DDX60L: variants seen among roughly 807,000 people sequenced by gnomAD.
The protein encoded by DDX60L is DExD/H-box 60 like.
In DDX60L, 191 loss-of-function variants were observed where a neutral mutation model predicts 211.6. The ratio of observed to expected loss-of-function variants is 0.90; its 90% CI spans 0.80 to 1.02. The LOEUF is 1.02. Among genes scored for constraint, DDX60L ranks in the 50% least tolerant of loss-of-function variants. DDX60L has a pLI of 0.00. For missense variants in DDX60L, 2,007 were observed against 1,984.1 expected (o/e 1.01, Z -0.22); for synonymous variants, 706 against 694.1 (o/e 1.02, Z -0.27).
intron 36 of DDX60L, among the ~76,000 whole-genome samples, chr4:168,365,696 CA>C: frequency 6.6e-6 from 1 of 152,032 alleles, no homozygotes; most frequent in East Asian, 1.9e-4. Flanking sequence ...ATTCTGACTC[CA>C]AAACCAGATA....
At chr4:168,470,192 C>T (rs1027443552) in intron 4 of DDX60L, 1 of 152,194 alleles carries the variant, frequency 6.6e-6, no homozygotes, top group African/African-American at 2.4e-5. Context: ...ACACAGGGCA[C>T]CAGAACTGTT....
At chr4:168,453,763 A>T (rs1756134801) in intron 7 of DDX60L, among the ~76,000 whole-genome samples, 1 of 152,180 alleles carries the variant, frequency 6.6e-6, no homozygotes, top group Admixed American at 6.6e-5. Context: ...AATATATAAA[A>T]GGTTGTCATA....
At chr4:168,390,638 A>C (rs1203898115) in intron 29 of DDX60L, 1 of 489,578 alleles carries the variant, frequency 2.0e-6, no homozygotes. Context: ...GATTATTGTC[A>C]GTTTTTTTTT....
chr4:168,414,507 T>A (rs965786388), intron 22 of DDX60L, among the ~76,000 whole-genome samples: 1 of 152,210 alleles, frequency 6.6e-6, no homozygotes, highest in African/African-American at 2.4e-5. Flanking sequence ...CACTGCTACA[T>A]ATATACTTAA....
At chr4:168,437,692 T>A (rs1023667064) in intron 10 of DDX60L, among the ~76,000 whole-genome samples, 3 of 152,164 alleles carry the variant, frequency 2.0e-5, no homozygotes, top group African/African-American at 7.2e-5. Flanking sequence ...AATAAGATCA[T>A]GAACAAGATC....
At chr4:168,399,028 G>A (rs1427625046) in intron 26 of DDX60L, among the ~76,000 whole-genome samples, 1 of 152,202 alleles carries the variant, frequency 6.6e-6, no homozygotes, top group Non-Finnish European at 1.5e-5. Context: ...CCTGCAGAGA[G>A]AAGCTACCCA....
chr4:168,441,860 T>C (rs903188613), intron 9 of DDX60L, among the ~76,000 whole-genome samples: 1 of 152,116 alleles, frequency 6.6e-6, no homozygotes, highest in Non-Finnish European at 1.5e-5. Context: ...TTAATCATAG[T>C]CCTTATTAAA....
chr4:168,422,764 C>T, intron 15 of DDX60L, 94 bp from the exon 16 acceptor site: 1 of 959,484 alleles, frequency 1.0e-6, no homozygotes. Flanking sequence ...ATGCACAAGG[C>T]ATTTTTACTA....
intron 14 of DDX60L, 27 bp from the exon 15 acceptor site, chr4:168,423,801 A>G (rs1371001027): frequency 6.9e-7 from 1 of 1,441,288 alleles, no homozygotes; most frequent in South Asian, 1.3e-5. Flanking sequence ...TAAAATTGTT[A>G]TAAAGAACAC....
At chr4:168,420,581 T>C (rs17612445) in intron 17 of DDX60L, among the ~76,000 whole-genome samples, 25,395 of 148,332 alleles carry the variant, frequency 0.17, 2,439 homozygotes, top group Non-Finnish European at 0.19. Context: ...GTATTCTCTT[T>C]GATCCTCCTT....
chr4:168,379,741 C>T lies in DDX60L; in HGVS notation c.4206G>A (p.Gln1402=), dbSNP rs551734786. 6.2e-7 allele frequency: 1 copy of T among 1,612,734 alleles called. No individual in the cohort carries two copies. Among genetic ancestry groups the T allele is most frequent in the East Asian group, 2.2e-5 (1 of 44,780 alleles). The change falls in exon 31 of 38, where the codon CAG becomes CAA. Residue 1402 remains glutamine (Q), a synonymous_variant. Transcript: ENST00000682922. The part of the protein sequence containing the change: ...TLKLYFLFSL[Q]LLIKEDYLNK... ...ACGATGATACCTCTTTGATAAGGAG[C>T]TGCAAGGAAAACAAAAAGTAAAGTT...
intron 28 of DDX60L, among the ~76,000 whole-genome samples, chr4:168,393,700 T>C: frequency 6.6e-6 from 1 of 152,206 alleles, no homozygotes; most frequent in Non-Finnish European, 1.5e-5. Flanking sequence ...ATCACATCTA[T>C]CAGCTCTGTC....
chr4:168,362,751 T>C (rs906667755), intron 36 of DDX60L, among the ~76,000 whole-genome samples: 2 of 152,208 alleles, frequency 1.3e-5, no homozygotes, highest in Middle Eastern at 3.2e-3. Context: ...ATTTGAAGAC[T>C]GGTCTTTTGA....
intron 9 of DDX60L, 24 bp downstream of exon 9, chr4:168,448,614 T>C (rs1372841382): frequency 1.4e-6 from 2 of 1,474,238 alleles, no homozygotes; most frequent in South Asian, 1.3e-5. Context: ...CATGATATAA[T>C]GTTAATGCAT....
At chr4:168,394,953 AAGAG>A (rs908237981) in intron 27 of DDX60L, among the ~76,000 whole-genome samples, 7 of 152,142 alleles carry the variant, frequency 4.6e-5, no homozygotes, top group African/African-American at 1.2e-4. Flanking sequence ...TTTTCAAGCA[AAGAG>A]AGAGAGACTT....
At chr4:168,401,005 GA>G (rs766990411) in intron 25 of DDX60L, 27 bp from the exon 26 acceptor site, 1 of 1,598,132 alleles carries the variant, frequency 6.3e-7, no homozygotes. Flanking sequence ...ACAGTGCTTT[GA>G]AAAGACTATG....
At chr4:168,436,049 G>A (rs1752997282) in intron 10 of DDX60L, among the ~76,000 whole-genome samples, 1 of 152,116 alleles carries the variant, frequency 6.6e-6, no homozygotes, top group Non-Finnish European at 1.5e-5. Context: ...TGTTGCATCT[G>A]GCCCCTCCTA....
intron 9 of DDX60L, 42 bp downstream of exon 9, chr4:168,448,593 TATA>T: frequency 7.1e-7 from 1 of 1,406,686 alleles, no homozygotes; most frequent in Non-Finnish European, 9.6e-7. Context: ...AAGGGTTTTA[TATA>T]ATTTGTTCAT....
At chr4:168,455,109 T>G (rs1756352086) in intron 7 of DDX60L, among the ~76,000 whole-genome samples, 1 of 152,076 alleles carries the variant, frequency 6.6e-6, no homozygotes, top group Non-Finnish European at 1.5e-5. Context: ...ATTTAAGAAA[T>G]GGACAATTTT....
Sources: allele counts gnomAD v4.1 joint callset (sites outside exome capture counted in the v4.1 genomes callset), GRCh38; gene constraint gnomAD v4.1.1; transcripts MANE v1.5; gene names NCBI Gene and HGNC (gene_info 2026-07-23, HGNC 2026-07-21).